The following NRG3 variants were observed in gnomAD, a reference collection of about 807,000 sequenced individuals.
NRG3 encodes the protein pro-neuregulin-3, membrane-bound isoform.
Under a neutral mutation model 66.9 loss-of-function variants are expected in NRG3, and 31 were observed. That is an observed-to-expected ratio of 0.46 (90% CI 0.35 to 0.63). NRG3 has a LOEUF of 0.63. Ranked by LOEUF, NRG3 falls within the 20% of genes least tolerant of loss-of-function variation. The pLI is 0.00. For missense variants in NRG3, 910 were observed against 878.9 expected (o/e 1.04, Z -0.45); for synonymous variants, 393 against 359.4 (o/e 1.09, Z -1.06).
chr10:82,913,468 T>G (rs747354666), intron 4 of NRG3, among the ~76,000 whole-genome samples: 1 of 152,206 alleles, frequency 6.6e-6, no homozygotes, highest in Non-Finnish European at 1.5e-5. Flanking sequence ...CTTAACATTT[T>G]TTGCAAGGTA....
chr10:82,438,455 C>T (rs904210278), intron 2 of NRG3, among the ~76,000 whole-genome samples: 2 of 152,224 alleles, frequency 1.3e-5, no homozygotes, highest in Admixed American at 6.5e-5. Context: ...GCCCTTCCCC[C>T]ACCCAGGGAG....
At chr10:82,301,686 C>CTATA (rs60882154) in intron 1 of NRG3, among the ~76,000 whole-genome samples, 3,672 of 137,666 alleles carry the variant, frequency 0.027, 62 homozygotes, top group Middle Eastern at 0.054. Context: ...ACATATATTC[C>CTATA]TATATATATA....
intron 1 of NRG3, among the ~76,000 whole-genome samples, chr10:81,879,087 A>C (rs1240292069): frequency 2.0e-5 from 3 of 152,322 alleles, no homozygotes; most frequent in Admixed American, 1.3e-4. Context: ...AGGGTTTGCA[A>C]GTTGATTCTT....
At chr10:82,528,010 C>T (rs1846890170) in intron 2 of NRG3, among the ~76,000 whole-genome samples, 1 of 152,092 alleles carries the variant, frequency 6.6e-6, no homozygotes, top group African/African-American at 2.4e-5. Flanking sequence ...CTGGTCTCTA[C>T]CCCTAGATGT....
intron 2 of NRG3, among the ~76,000 whole-genome samples, chr10:82,534,337 C>G (rs907450910): frequency 1.3e-5 from 2 of 151,526 alleles, no homozygotes; most frequent in African/African-American, 2.4e-5. Flanking sequence ...AATCTTGGCT[C>G]GCTGCAACCT....
intron 1 of NRG3, among the ~76,000 whole-genome samples, chr10:82,163,740 C>T (rs2071793813): frequency 6.6e-6 from 1 of 152,016 alleles, no homozygotes; most frequent in Non-Finnish European, 1.5e-5. Context: ...CCTTTAGAGT[C>T]ATGGACAAGG....
rs111913662 is a variant in NRG3 at position 82,469,007 on chromosome 10, C to A, written c.953+110139C>A. On this transcript the variant is annotated intron_variant, in intron 2 of 8. Coordinates refer to ENST00000372141, the MANE Select transcript of NRG3 (RefSeq NM_001010848.4). ...AACTCTTATAGCTCAGAAAGATAAGCTCCCAGTCAGCTAGGTTTTAGCTTC... is the reference window on the plus strand; with the variant it reads ...AACTCTTATAGCTCAGAAAGATAAGATCCCAGTCAGCTAGGTTTTAGCTTC... 2.3e-3 allele frequency among the ~76,000 whole-genome samples: 353 copies of A among 152,284 alleles called. 2 individuals carry two copies. The highest frequency in any genetic ancestry group is 6.9e-3 in the African/African-American group (285 of 41,564).
intron 3 of NRG3, among the ~76,000 whole-genome samples, chr10:82,837,071 C>A (rs1279131336): frequency 1.3e-5 from 2 of 152,140 alleles, no homozygotes; most frequent in African/African-American, 4.8e-5. Context: ...AGGACATGAA[C>A]TCATCATTTT....
At chr10:82,067,829 C>T (rs1258326386) in intron 1 of NRG3, among the ~76,000 whole-genome samples, 2 of 152,190 alleles carry the variant, frequency 1.3e-5, no homozygotes, top group African/African-American at 4.8e-5. Flanking sequence ...TTGTCATTTC[C>T]TTTGAATAGC....
chr10:82,338,894 A>G (rs781054278), intron 1 of NRG3, among the ~76,000 whole-genome samples: 1 of 152,222 alleles, frequency 6.6e-6, no homozygotes, highest in Non-Finnish European at 1.5e-5. Context: ...GGATATTTAG[A>G]ACTCGGCACA....
At chr10:82,303,448 T>C (rs1349003914) in intron 1 of NRG3, among the ~76,000 whole-genome samples, 1 of 152,206 alleles carries the variant, frequency 6.6e-6, no homozygotes, top group Non-Finnish European at 1.5e-5. Context: ...GGTGTTCTTA[T>C]ATCATTCCTT....
intron 3 of NRG3, among the ~76,000 whole-genome samples, chr10:82,769,062 A>G (rs2059619569): frequency 6.6e-6 from 1 of 152,168 alleles, no homozygotes. Flanking sequence ...TTTGACGACT[A>G]CAGATGAAAG....
At chr10:82,029,287 A>ATATGTAT in intron 1 of NRG3, among the ~76,000 whole-genome samples, 1 of 152,296 alleles carries the variant, frequency 6.6e-6, no homozygotes, top group South Asian at 2.1e-4. Context: ...AAATTTAGTT[A>ATATGTAT]ACTTTTCTCT....
intron 4 of NRG3, among the ~76,000 whole-genome samples, chr10:82,918,454 T>C (rs1846098106): frequency 6.6e-6 from 1 of 152,168 alleles, no homozygotes; most frequent in Non-Finnish European, 1.5e-5. Flanking sequence ...ATCAAACAAA[T>C]ACCATTGATG....
chr10:81,884,388 A>T (rs1424209645), intron 1 of NRG3, among the ~76,000 whole-genome samples: 1 of 152,192 alleles, frequency 6.6e-6, no homozygotes, highest in Non-Finnish European at 1.5e-5. Context: ...TCGGTAAAAG[A>T]TAAAGAATAT....
rs116799661 is a variant in NRG3 at position 82,975,428 on chromosome 10, C to T, written c.1412+1513C>T. ...CTGCAATATTCCTATCCCCAGTTCT[C>T]GTGTGCTTTTATGCTCCCTCCTAAA... On this transcript the variant is annotated intron_variant, in intron 7 of 8. Coordinates refer to ENST00000372141, the MANE Select transcript of NRG3 (RefSeq NM_001010848.4). Among the ~76,000 whole-genome samples the T allele has an allele frequency of 3.8e-3, 584 of 152,214 alleles. 5 individuals carry two copies. Among genetic ancestry groups the T allele is most frequent in the African/African-American group, 0.013 (560 of 41,530 alleles).
intron 1 of NRG3, among the ~76,000 whole-genome samples, chr10:82,204,855 A>G (rs894949948): frequency 1.5e-4 from 23 of 152,182 alleles, no homozygotes; most frequent in Admixed American, 1.3e-4. Flanking sequence ...TTTTAAACAC[A>G]TGCTCTCTAA....
intron 1 of NRG3, among the ~76,000 whole-genome samples, chr10:82,355,439 TAAAC>T (rs1232216040): frequency 6.6e-6 from 1 of 152,218 alleles, no homozygotes. Context: ...TGTTGAAAAT[TAAAC>T]AAATAGATGT....
At chr10:81,912,079 T>C (rs1173211450) in intron 1 of NRG3, among the ~76,000 whole-genome samples, 1 of 152,172 alleles carries the variant, frequency 6.6e-6, no homozygotes, top group Non-Finnish European at 1.5e-5. Flanking sequence ...GGGTAATGCT[T>C]TCCAGATACT....
Sources: allele counts gnomAD v4.1 joint callset (sites outside exome capture counted in the v4.1 genomes callset), GRCh38; gene constraint gnomAD v4.1.1; transcripts MANE v1.5; gene names NCBI Gene and HGNC (gene_info 2026-07-23, HGNC 2026-07-21).